CIMAP2: variants seen among roughly 807,000 people sequenced by gnomAD.
CIMAP2 encodes ciliary microtubule associated protein 2.
At chr1:54,811,765 G>GCCGGGGGGGGGGGGGCCCCC in the CIMAP2 span, 8 of 1,301,316 alleles carry the variant, frequency 6.1e-6, no homozygotes, top group East Asian at 5.0e-5. Flanking sequence ...GGTTCTGACA[G>GCCGGGGGGGGGGGGGCCCCC]CCTCCATGCC....
chr1:54,807,407 G>A, the CIMAP2 span: 1 of 1,279,858 alleles, frequency 7.8e-7, no homozygotes, highest in Non-Finnish European at 1.1e-6. Flanking sequence ...GAGGGTGGGA[G>A]CCACAGGGGG....
chr1:54,813,916 C>T, the CIMAP2 span: 2 of 1,613,786 alleles, frequency 1.2e-6, no homozygotes, highest in Admixed American at 1.7e-5. Flanking sequence ...TCCCCGAAAC[C>T]CGAAAACCCC....
the CIMAP2 span, among the ~76,000 whole-genome samples, chr1:54,819,824 C>CTTTCTTTTTCTCTTTCTTTCTTTCTT: frequency 4.0e-5 from 4 of 100,210 alleles, no homozygotes; most frequent in Admixed American, 4.6e-4. Flanking sequence ...TTCTTTCTTT[C>CTTTCTTTTTCTCTTTCTTTCTTTCTT]TCTTTCTTTC....
At chr1:54,831,464 C>A in the CIMAP2 span, among the ~76,000 whole-genome samples, 1 of 151,616 alleles carries the variant, frequency 6.6e-6, no homozygotes, top group African/African-American at 2.4e-5. Flanking sequence ...ACCAGCCTGG[C>A]CAAAATGGTG....
the CIMAP2 span, among the ~76,000 whole-genome samples, chr1:54,823,700 T>C: frequency 6.6e-6 from 1 of 152,244 alleles, no homozygotes; most frequent in Admixed American, 6.5e-5. Context: ...GGGATAACGT[T>C]AGACTACTTT....
the CIMAP2 span, among the ~76,000 whole-genome samples, chr1:54,837,046 A>C: frequency 0.75 from 113,629 of 151,950 alleles, 43,745 homozygotes; most frequent in Middle Eastern, 0.85. Context: ...TCATATCTGA[A>C]TTACCAGTTG....
chr1:54,839,159 T>C, the CIMAP2 span, among the ~76,000 whole-genome samples: 1 of 151,952 alleles, frequency 6.6e-6, no homozygotes, highest in Non-Finnish European at 1.5e-5. Context: ...GGGAAGAGCA[T>C]GAGCGAAGGA....
At chr1:54,811,765 G>GCCGGGGGGGGCCCCCCCCCCCCCCCC in the CIMAP2 span, 2 of 1,301,328 alleles carry the variant, frequency 1.5e-6, no homozygotes, top group Non-Finnish European at 2.2e-6. Flanking sequence ...GGTTCTGACA[G>GCCGGGGGGGGCCCCCCCCCCCCCCCC]CCTCCATGCC....
At chr1:54,811,819 A>C in the CIMAP2 span, 65 of 1,528,608 alleles carry the variant, frequency 4.3e-5, no homozygotes, top group Admixed American at 9.0e-4. Context: ...CCTGGAAATT[A>C]TGGGGAGAAG....
chr1:54,811,765 G>GCCGGGGGGGGGGCGCCCCCCCCCC, the CIMAP2 span: 6 of 1,301,310 alleles, frequency 4.6e-6, no homozygotes, highest in East Asian at 2.5e-5. Context: ...GGTTCTGACA[G>GCCGGGGGGGGGGCGCCCCCCCCCC]CCTCCATGCC....
the CIMAP2 span, among the ~76,000 whole-genome samples, chr1:54,830,667 A>G: frequency 5.3e-5 from 8 of 152,236 alleles, no homozygotes; most frequent in Admixed American, 1.3e-4. The surrounding 1 kb of genome is among the most constrained non-coding windows in gnomAD (Gnocchi z 4.1). Flanking sequence ...AGTGGGGGAG[A>G]GAAACTGATA....
chr1:54,816,177 C>T, the CIMAP2 span, among the ~76,000 whole-genome samples: 1 of 152,230 alleles, frequency 6.6e-6, no homozygotes, highest in Non-Finnish European at 1.5e-5. Context: ...GCTGACCGCA[C>T]CCCACAGGGC....
chr1:54,834,631 A>AT, the CIMAP2 span, among the ~76,000 whole-genome samples: 1 of 152,228 alleles, frequency 6.6e-6, no homozygotes, highest in Non-Finnish European at 1.5e-5. Flanking sequence ...GAATATGTGG[A>AT]TATATATAAT....
the CIMAP2 span, chr1:54,814,773 T>G: frequency 5.0e-6 from 6 of 1,208,146 alleles, no homozygotes; most frequent in Non-Finnish European, 6.9e-6. Context: ...GGGAGATAGC[T>G]GGGTACCTCC....
the CIMAP2 span, among the ~76,000 whole-genome samples, chr1:54,818,272 A>G: frequency 1.3e-5 from 2 of 152,012 alleles, no homozygotes; most frequent in African/African-American, 4.8e-5. Context: ...GAATCTTCTG[A>G]GTTTTGTCTT....
the CIMAP2 span, among the ~76,000 whole-genome samples, chr1:54,833,419 C>T: frequency 5.9e-5 from 9 of 152,100 alleles, no homozygotes; most frequent in Non-Finnish European, 1.2e-4. Context: ...TTGATCCAGG[C>T]GGGGGAGTGC....
At chr1:54,830,596 CAGAGAATAA>C in the CIMAP2 span, among the ~76,000 whole-genome samples, 1 of 152,184 alleles carries the variant, frequency 6.6e-6, no homozygotes, top group Non-Finnish European at 1.5e-5. The surrounding 1 kb of genome is among the most constrained non-coding windows in gnomAD (Gnocchi z 4.1). Context: ...AATCTATCTC[CAGAGAATAA>C]ATCTCCAATC....
chr1:54,825,346 C>T, the CIMAP2 span, among the ~76,000 whole-genome samples: 49 of 152,088 alleles, frequency 3.2e-4, no homozygotes, highest in African/African-American at 7.0e-4. Context: ...CCACCACGCC[C>T]GGTGGGAATT....
At chr1:54,818,466 A>G in the CIMAP2 span, among the ~76,000 whole-genome samples, 1 of 149,582 alleles carries the variant, frequency 6.7e-6, no homozygotes, top group African/African-American at 2.5e-5. Context: ...TATCTACCCT[A>G]CTATTATTTT....
Sources: gnomAD v4.1 joint callset for allele counts (sites outside exome capture counted in the v4.1 genomes callset) on GRCh38, gnomAD v4.1.1 for gene constraint, Gnocchi (gnomAD v3.1) non-coding constraint, MANE v1.5 for transcripts, NCBI Gene and HGNC (gene_info 2026-07-23, HGNC 2026-07-21) for gene names.